SLC12A6: variants seen among roughly 807,000 people sequenced by gnomAD.
SLC12A6 encodes the protein K-Cl cotransporter 3.
Under a neutral mutation model 135.3 loss-of-function variants are expected in SLC12A6, and 66 were observed. That is an observed-to-expected ratio of 0.49 (90% CI 0.40 to 0.60). The LOEUF (loss-of-function observed/expected upper bound fraction) is 0.60, where lower values mean the gene tolerates loss of function less well. SLC12A6 is among the 20% of genes least tolerant of loss of function. The pLI, the probability that SLC12A6 is intolerant of heterozygous loss-of-function variation, is 0.00. For synonymous variants in SLC12A6, 513 were observed against 508.8 expected, an observed-to-expected ratio of 1.01 and a Z score of -0.11; for missense variants, 1,058 against 1,452.3, an observed-to-expected ratio of 0.73 and a Z score of 4.41.
intron 2 of SLC12A6, among the ~76,000 whole-genome samples, chr15:34,330,698 C>A (rs1159695881): frequency 1.3e-5 from 2 of 149,186 alleles, no homozygotes; most frequent in African/African-American, 5.0e-5. Context: ...ACAAAAAAAA[C>A]AAAACTATCA....
At chr15:34,248,865 A>G (rs1401899801) in intron 13 of SLC12A6, among the ~76,000 whole-genome samples, 1 of 152,194 alleles carries the variant, frequency 6.6e-6, no homozygotes, top group East Asian at 1.9e-4. Context: ...AAGAGGATGA[A>G]TATGAGTTGG....
intron 2 of SLC12A6, among the ~76,000 whole-genome samples, chr15:34,282,594 AG>A (rs1894760327): frequency 6.6e-6 from 1 of 152,124 alleles, no homozygotes. Flanking sequence ...CTCTTAAAAA[AG>A]AAATAAAATT....
At chr15:34,334,217 C>T (rs530754963) in intron 2 of SLC12A6, among the ~76,000 whole-genome samples, 1 of 152,196 alleles carries the variant, frequency 6.6e-6, no homozygotes, top group Non-Finnish European at 1.5e-5. Flanking sequence ...GAGAATCATA[C>T]TAATGTCACA....
In SLC12A6 at chr15:34,282,797, G is replaced by A. The variant is rs137867872; in HGVS notation, c.272-7408C>T. On this transcript the variant is annotated intron_variant, in intron 2 of 25. Transcript: ENST00000354181. ...TTTGCCTGGTTACAACAGTCATGGG[G>A]TATTTGTTAAACTACAAATTTCTGG... is the stretch of plus-strand genomic sequence containing the variant. 6.1e-3 allele frequency among the ~76,000 whole-genome samples: 936 copies of A among 152,224 alleles called. 14 individuals carry two copies. The highest frequency in any genetic ancestry group is 0.021 in the African/African-American group (875 of 41,522).
chr15:34,332,718 G>A (rs918724386), intron 2 of SLC12A6, among the ~76,000 whole-genome samples: 1 of 151,980 alleles, frequency 6.6e-6, no homozygotes, highest in African/African-American at 2.4e-5. Context: ...GGGAGGTGGA[G>A]GTTGCAGTGA....
rs189319711 is a variant in SLC12A6, at chr15:34,284,089, G to T, written c.272-8700C>A. Among the ~76,000 whole-genome samples the T allele has an allele frequency of 2.9e-4, 44 of 151,950 alleles. No homozygotes were observed. In the East Asian group the frequency reaches 7.9e-3, roughly 27 times the overall value. On this transcript the variant is annotated intron_variant, in intron 2 of 25. Transcript: ENST00000354181. ...AATGCAGGCTGCTGGTTTGAGAATGGATTGTAGGGGAGACCAAGAACAGAA... is the reference window on the plus strand; with the variant it reads ...AATGCAGGCTGCTGGTTTGAGAATGTATTGTAGGGGAGACCAAGAACAGAA...
chr15:34,318,785 T>C, intron 2 of SLC12A6: 2 of 1,578,840 alleles, frequency 1.3e-6, no homozygotes, highest in Non-Finnish European at 1.7e-6. Context: ...GATCCCTGCC[T>C]ACAAGAGACA....
intron 2 of SLC12A6, among the ~76,000 whole-genome samples, chr15:34,316,647 G>C (rs967926919): frequency 2.6e-4 from 40 of 152,150 alleles, no homozygotes; most frequent in African/African-American, 9.4e-4. Context: ...AATTACTATG[G>C]AAGAAAATAA....
chr15:34,262,524 T>C (rs1220420186), intron 3 of SLC12A6, among the ~76,000 whole-genome samples: 1 of 152,130 alleles, frequency 6.6e-6, no homozygotes, highest in East Asian at 1.9e-4. Context: ...CCCTCCACGC[T>C]CTGCCAGTGG....
intron 3 of SLC12A6, among the ~76,000 whole-genome samples, chr15:34,262,980 C>G (rs1432070890): frequency 6.6e-6 from 1 of 152,192 alleles, no homozygotes. Context: ...CTGGAGGTCT[C>G]TGGCTGGCAA....
At chr15:34,253,777 G>A (rs1197188828) in intron 9 of SLC12A6, among the ~76,000 whole-genome samples, 1 of 152,212 alleles carries the variant, frequency 6.6e-6, no homozygotes, top group African/African-American at 2.4e-5. Flanking sequence ...AGGGAAAAGT[G>A]AGCCTGTGAG....
intron 17 of SLC12A6, 70 bp downstream of exon 17, chr15:34,242,032 T>G: frequency 8.6e-7 from 1 of 1,166,716 alleles, no homozygotes. Context: ...ATATTTTCAC[T>G]GAGCTGGCTC....
intron 24 of SLC12A6, 91 bp downstream of exon 24, chr15:34,235,924 G>C: frequency 1.0e-6 from 1 of 996,590 alleles, no homozygotes. Flanking sequence ...AGGGTGAAAT[G>C]AACAGACTCC....
chr15:34,291,146 T>C (rs1895494044), intron 2 of SLC12A6, among the ~76,000 whole-genome samples: 1 of 152,178 alleles, frequency 6.6e-6, no homozygotes, highest in South Asian at 2.1e-4. Flanking sequence ...CGTTTAGTGC[T>C]TCCTTCAGGA....
Position 34,255,300 on chromosome 15 carries a change from C to T in SLC12A6, c.838G>A (p.Ala280Thr), listed in dbSNP as rs1334470212. The T allele has an allele frequency of 6.2e-7, 1 of 1,610,338 alleles. No individual in the cohort carries two copies. The highest frequency in any genetic ancestry group is 8.5e-7 in the Non-Finnish European group (1 of 1,176,708). ...LCFYLGTTFA[A>T]AMYILGAIEI... is the part of the protein sequence containing the mutation. ...ATGGCACCAAGGATGTACATGGCTG[C>T]TGCAAATGTGGTACCAAGATAAAAG... Residue 280 changes from alanine to threonine, a missense_variant, in exon 8 of 26, where the codon GCA becomes ACA. Physicochemically the swap from Ala to Thr is moderately conservative, Grantham distance 58 (BLOSUM62 0). Transcript: ENST00000354181.
chr15:34,322,978 CAAAAAAAAAAAAA>C (rs1218702689), intron 2 of SLC12A6, among the ~76,000 whole-genome samples: 12 of 39,040 alleles, frequency 3.1e-4, no homozygotes, highest in Non-Finnish European at 5.5e-4. Flanking sequence ...AACTCTGTCT[CAAAAAAAAAAAAA>C]AAAAAAAAAA....
chr15:34,259,191 T>C (rs1184856305), intron 4 of SLC12A6, among the ~76,000 whole-genome samples: 1 of 151,756 alleles, frequency 6.6e-6, no homozygotes, highest in Non-Finnish European at 1.5e-5. Flanking sequence ...AATACAAAAA[T>C]AAGCTGGGTG....
rs1335237469 is a variant in SLC12A6, at chr15:34,250,311, C to G, written c.1636G>C (p.Val546Leu). 1 of 1,571,360 alleles carries G rather than the reference C, an allele frequency of 6.4e-7. No homozygotes were observed. The highest frequency in any genetic ancestry group is 1.1e-5 in the South Asian group (1 of 90,198). The change falls in exon 13 of 26, where the codon GTT becomes CTT. Residue 546 changes from valine (V) to leucine (L), a missense_variant. By Grantham distance (32) the Val-to-Leu change is conservative. Coordinates refer to ENST00000354181, the MANE Select transcript of SLC12A6 (RefSeq NM_001365088.1). ...TTCATTACTCACTTGTCTCTGAGAA[C>G]AACCCCTTCAATACATGCACCAAAA... ...VLFGACIEGV[V>L]LRDKFGDAVK...
intron 2 of SLC12A6, among the ~76,000 whole-genome samples, chr15:34,335,444 T>C (rs900092879): frequency 6.6e-6 from 1 of 152,224 alleles, no homozygotes. Context: ...GGTGAGGCTA[T>C]GGTTTTCAAA....
Sources: allele counts gnomAD v4.1 joint callset (sites outside exome capture counted in the v4.1 genomes callset), GRCh38; gene constraint gnomAD v4.1.1; transcripts MANE v1.5; gene names NCBI Gene and HGNC (gene_info 2026-07-23, HGNC 2026-07-21).